TRAF3: variants seen among roughly 807,000 people sequenced by gnomAD.
The protein encoded by TRAF3 is TNF receptor-associated factor 3.
In TRAF3, 13 loss-of-function variants were observed where a neutral mutation model predicts 62.3. The observed-to-expected ratio is 0.21, with a 90% CI of 0.14 to 0.33. TRAF3 has a LOEUF of 0.33. TRAF3 is among the 10% of genes least tolerant of loss of function. TRAF3 has a pLI of 1.00. For missense variants in TRAF3, 440 were observed against 741.8 expected (o/e 0.59, Z 4.73); for synonymous variants, 269 against 283.4 (o/e 0.95, Z 0.51).
At chr14:102,887,806 A>G (rs1184704605) in intron 7 of TRAF3, among the ~76,000 whole-genome samples, 2 of 151,992 alleles carry the variant, frequency 1.3e-5, no homozygotes, top group Non-Finnish European at 1.5e-5. Flanking sequence ...CTTGTTAGCC[A>G]GCATGGTCTC....
chr14:102,873,415 C>T (rs994740068), intron 4 of TRAF3, among the ~76,000 whole-genome samples: 10 of 152,210 alleles, frequency 6.6e-5, no homozygotes, highest in Non-Finnish European at 1.3e-4. Flanking sequence ...ATGTGCCTAA[C>T]GTGTGAGTGA....
rs745411827 is a variant in TRAF3, at chr14:102,903,146, A to G, written c.961-109A>G. On this transcript the variant is annotated intron_variant, in intron 10 of 11. Coordinates refer to ENST00000392745, the MANE Select transcript of TRAF3 (RefSeq NM_145725.3). The surrounding 1 kb of genome is among the most constrained non-coding windows in gnomAD (Gnocchi z 6.4). ...GAGCCGCGGGTGGCAGGCCTCATAC[A>G]GGGGCCTCTGACTGTTCTGCTCCTA... is the stretch of plus-strand genomic sequence containing the variant. 19 of 1,493,538 alleles carry G rather than the reference A, an allele frequency of 1.3e-5. No individual in the cohort carries two copies. Among genetic ancestry groups the G allele is most frequent in the Non-Finnish European group, 1.6e-5 (17 of 1,073,574 alleles). The allele number at this position is 1,493,538 out of a possible 1,614,324, so 92.5% of individuals were successfully genotyped here.
chr14:102,788,953 A>C (rs1425604821), intron 1 of TRAF3, among the ~76,000 whole-genome samples: 1 of 152,218 alleles, frequency 6.6e-6, no homozygotes, highest in East Asian at 1.9e-4. Flanking sequence ...CCTGAAGGAC[A>C]GATGGAGAAC....
chr14:102,899,320 G>A (rs1327376130), intron 10 of TRAF3, among the ~76,000 whole-genome samples: 1 of 152,140 alleles, frequency 6.6e-6, no homozygotes, highest in Non-Finnish European at 1.5e-5. Context: ...AGCTGCACGG[G>A]GCCAGGCCAT....
chr14:102,780,146 T>A (rs753999581), intron 1 of TRAF3, among the ~76,000 whole-genome samples: 5 of 152,122 alleles, frequency 3.3e-5, no homozygotes, highest in Non-Finnish European at 5.9e-5. Flanking sequence ...AGCCGAGGCC[T>A]GATTGTGGAA....
intron 2 of TRAF3, among the ~76,000 whole-genome samples, chr14:102,838,601 C>G (rs566625915): frequency 6.6e-6 from 1 of 152,156 alleles, no homozygotes; most frequent in South Asian, 2.1e-4. Context: ...TGTCAAGATA[C>G]TTGAATGGAG....
At chr14:102,786,658 C>T (rs1267133934) in intron 1 of TRAF3, among the ~76,000 whole-genome samples, 1 of 152,040 alleles carries the variant, frequency 6.6e-6, no homozygotes, top group African/African-American at 2.4e-5. Flanking sequence ...TTGCACTCCA[C>T]CCTGGGCAAC....
intron 6 of TRAF3, among the ~76,000 whole-genome samples, chr14:102,879,062 T>C (rs1888887866): frequency 1.3e-5 from 2 of 151,530 alleles, no homozygotes; most frequent in East Asian, 1.9e-4. Context: ...AGTGGAGCCA[T>C]GCAGGCTGCA....
intron 1 of TRAF3, among the ~76,000 whole-genome samples, chr14:102,789,105 T>G (rs2139401738): frequency 6.6e-6 from 1 of 152,282 alleles, no homozygotes; most frequent in Non-Finnish European, 1.5e-5. Flanking sequence ...ATATAGCATC[T>G]AGGAATCATA....
chr14:102,886,082 CA>C, intron 6 of TRAF3, 106 bp from the exon 7 acceptor site: 5 of 931,512 alleles, frequency 5.4e-6, no homozygotes, highest in Non-Finnish European at 8.5e-6. Flanking sequence ...ACTTAGAGGA[CA>C]GCGATGGTGA....
At chr14:102,871,806 G>A (rs1888357533) in intron 3 of TRAF3, 111 bp from the exon 4 acceptor site, 4 of 946,366 alleles carry the variant, frequency 4.2e-6, no homozygotes, top group Admixed American at 3.4e-5. Context: ...TCTGCTGGTT[G>A]CTGTGAGCCA....
chr14:102,795,866 T>C (rs920101376), intron 1 of TRAF3, among the ~76,000 whole-genome samples: 7 of 152,130 alleles, frequency 4.6e-5, no homozygotes, highest in African/African-American at 1.4e-4. Context: ...TGGTTTTTTG[T>C]CCAGAAACAT....
At chr14:102,796,686 A>G (rs74086114) in intron 1 of TRAF3, among the ~76,000 whole-genome samples, 4,761 of 152,248 alleles carry the variant, frequency 0.031, 215 homozygotes, top group African/African-American at 0.11. Flanking sequence ...ATGCCCCGGA[A>G]TGACTGGCTG....
chr14:102,871,834 T>G, intron 3 of TRAF3, 83 bp from the exon 4 acceptor site: 1 of 1,356,660 alleles, frequency 7.4e-7, no homozygotes, highest in Non-Finnish European at 1.1e-6. Context: ...GACCTGACCA[T>G]AAAGTGAATG....
Position 102,903,645 on chromosome 14 carries a change from G to A in TRAF3, c.1135+216G>A, listed in dbSNP as rs1890424188. 3 of 724,128 alleles carry A rather than the reference G, an allele frequency of 4.1e-6. No homozygotes were observed. The highest frequency in any genetic ancestry group is 7.2e-6 in the Non-Finnish European group (3 of 415,968). The allele number at this position is 724,128 out of a possible 1,614,324, so 44.9% of individuals were successfully genotyped here. A position where few individuals can be genotyped will look rare whatever the true frequency, so the allele number is the denominator to read the frequency against. ...CGCAGGCTTGTCCCCTCCGTGTGAG[G>A]CCCTACATGGTGTAGAAAGTAGGGG... is the stretch of plus-strand genomic sequence containing the variant. On this transcript the variant is annotated intron_variant, in intron 11 of 11. Transcript: ENST00000392745. The surrounding 1 kb of genome is among the most constrained non-coding windows in gnomAD (Gnocchi z 6.4).
intron 4 of TRAF3, among the ~76,000 whole-genome samples, chr14:102,874,792 A>G (rs1338518064): frequency 6.6e-6 from 1 of 152,084 alleles, no homozygotes; most frequent in African/African-American, 2.4e-5. Flanking sequence ...CTGAGACTGC[A>G]GGCGCATATG....
At chr14:102,843,004 T>G (rs1158169245) in intron 2 of TRAF3, among the ~76,000 whole-genome samples, 1 of 151,958 alleles carries the variant, frequency 6.6e-6, no homozygotes, top group African/African-American at 2.4e-5. Context: ...GGTCGGGAGT[T>G]TGAGACTAGC....
intron 2 of TRAF3, among the ~76,000 whole-genome samples, chr14:102,857,042 C>G (rs1318856172): frequency 6.6e-6 from 1 of 152,194 alleles, no homozygotes; most frequent in Non-Finnish European, 1.5e-5. Context: ...AGTAGAATAA[C>G]TAAAATTATC....
chr14:102,879,936 G>A (rs1888951725), intron 6 of TRAF3, among the ~76,000 whole-genome samples: 1 of 152,026 alleles, frequency 6.6e-6, no homozygotes, highest in Non-Finnish European at 1.5e-5. Context: ...GGGCAACATA[G>A]CAAGACTCTG....
Sources: gnomAD v4.1 joint callset for allele counts (sites outside exome capture counted in the v4.1 genomes callset) on GRCh38, gnomAD v4.1.1 for gene constraint, Gnocchi (gnomAD v3.1) non-coding constraint, MANE v1.5 for transcripts, NCBI Gene and HGNC (gene_info 2026-07-23, HGNC 2026-07-21) for gene names.